ARL15: variants seen among roughly 807,000 people sequenced by gnomAD.
The protein encoded by ARL15 is ARF like GTPase 15.
In ARL15, 19 loss-of-function variants were observed where a neutral mutation model predicts 25.2. The observed-to-expected ratio is 0.75, with a 90% confidence interval of 0.53 to 1.10. ARL15 has a LOEUF of 1.10. Among genes scored for constraint, ARL15 ranks in the 50% least tolerant of loss-of-function variants. ARL15 has a pLI of 0.00. For synonymous variants in ARL15, 94 were observed against 86.8 expected (o/e 1.08, Z -0.46); for missense variants, 220 against 246.0 (o/e 0.89, Z 0.71).
intron 1 of ARL15, among the ~76,000 whole-genome samples, chr5:54,227,222 G>A (rs1174658278): frequency 6.6e-6 from 1 of 152,176 alleles, no homozygotes; most frequent in African/African-American, 2.4e-5. Flanking sequence ...AGGCCAAGTT[G>A]TCTGAGCTCA....
intron 4 of ARL15, among the ~76,000 whole-genome samples, chr5:53,924,139 G>C (rs985155873): frequency 6.6e-6 from 1 of 152,318 alleles, no homozygotes; most frequent in African/African-American, 2.4e-5. Context: ...TCAGATTTCC[G>C]AAGGCCCATG....
intron 1 of ARL15, among the ~76,000 whole-genome samples, chr5:54,296,269 G>A (rs1418209363): frequency 6.6e-6 from 1 of 152,190 alleles, no homozygotes; most frequent in Non-Finnish European, 1.5e-5. Flanking sequence ...AGTACCATAA[G>A]TCCTTGTTTT....
At chr5:54,206,922 C>A (rs1755887045) in intron 1 of ARL15, among the ~76,000 whole-genome samples, 1 of 152,156 alleles carries the variant, frequency 6.6e-6, no homozygotes, top group Non-Finnish European at 1.5e-5. Context: ...AAATACAATG[C>A]ATTTTCAAAA....
Position 54,089,821 on chromosome 5 carries a change from A to C in ARL15, c.462+23381T>G, listed in dbSNP as rs190578759. On this transcript the variant is annotated intron_variant, in intron 4 of 4. Transcript: ENST00000504924. ...TATTAATATTATATTCAAATGAATC[A>C]AAAGGATTAAAAGTCTAGGTTTTCT... Among the ~76,000 whole-genome samples, 68 of 152,342 alleles carry C rather than the reference A, an allele frequency of 4.5e-4. No homozygotes were observed. In the East Asian group the frequency reaches 0.01, roughly 22 times the overall value.
At chr5:54,300,949 G>A (rs1247274180) in intron 1 of ARL15, among the ~76,000 whole-genome samples, 3 of 152,198 alleles carry the variant, frequency 2.0e-5, no homozygotes, top group African/African-American at 7.2e-5. Context: ...CAGAACCCCT[G>A]AAGTCCCTTG....
At chr5:54,094,773 C>T (rs531570103) in intron 4 of ARL15, among the ~76,000 whole-genome samples, 1 of 152,214 alleles carries the variant, frequency 6.6e-6, no homozygotes, top group African/African-American at 2.4e-5. Context: ...ACTGTTTGTC[C>T]CATCATAAGC....
chr5:54,052,598 C>T (rs757202818), intron 4 of ARL15, among the ~76,000 whole-genome samples: 1 of 152,078 alleles, frequency 6.6e-6, no homozygotes, highest in Non-Finnish European at 1.5e-5. Context: ...TGAGAGATTA[C>T]AGATAAGCAA....
Position 53,932,407 on chromosome 5 carries a change from G to A in ARL15, c.463-45694C>T, listed in dbSNP as rs143433328. ...TGCCAACAGCTCCCCCTTCATAGGA[G>A]AGCCTTGCCAATGGCTTTTTACCTC... On this transcript the variant is annotated intron_variant, in intron 4 of 4. Transcript: ENST00000504924. 2.0e-3 allele frequency among the ~76,000 whole-genome samples: 308 copies of A among 152,310 alleles called. 1 individual carries two copies. Among genetic ancestry groups the A allele is most frequent in the African/African-American group, 7.0e-3 (292 of 41,578 alleles).
At chr5:53,976,104 C>G (rs1319097642) in intron 4 of ARL15, among the ~76,000 whole-genome samples, 8 of 151,926 alleles carry the variant, frequency 5.3e-5, no homozygotes, top group Admixed American at 1.3e-4. Context: ...TTTTAGGCAC[C>G]CTCCAGGTCC....
At chr5:54,011,311 T>A (rs536219550) in intron 4 of ARL15, among the ~76,000 whole-genome samples, 2 of 152,328 alleles carry the variant, frequency 1.3e-5, no homozygotes, top group African/African-American at 4.8e-5. Context: ...CATTATTACC[T>A]CAAAAAGTTG....
intron 4 of ARL15, among the ~76,000 whole-genome samples, chr5:54,092,044 G>T (rs942156322): frequency 2.8e-5 from 3 of 107,538 alleles, no homozygotes; most frequent in African/African-American, 1.0e-4. Flanking sequence ...TGCTCAAATT[G>T]AAAACACACA....
At chr5:54,089,702 C>G (rs535011101) in intron 4 of ARL15, among the ~76,000 whole-genome samples, 1 of 151,930 alleles carries the variant, frequency 6.6e-6, no homozygotes, top group African/African-American at 2.4e-5. Flanking sequence ...AGATACCAGT[C>G]AATGTAGGTA....
At chr5:54,193,714 A>G (rs890570545) in intron 1 of ARL15, among the ~76,000 whole-genome samples, 5 of 138,440 alleles carry the variant, frequency 3.6e-5, no homozygotes, top group African/African-American at 1.4e-4. Context: ...TTGTTTTACA[A>G]TAAAGCCTTC....
rs557584686 is a variant in ARL15 at position 54,060,353 on chromosome 5, G to A, written c.462+52849C>T. ...CTGAGGCAGGAGAATTGCTTGAAGCGGGACCCAGGAGGTGGAGGTTGCAGT... is the reference window on the plus strand; with the variant it reads ...CTGAGGCAGGAGAATTGCTTGAAGCAGGACCCAGGAGGTGGAGGTTGCAGT... On this transcript the variant is annotated intron_variant, in intron 4 of 4. Transcript: ENST00000504924. 1.2e-4 allele frequency among the ~76,000 whole-genome samples: 19 copies of A among 152,130 alleles called. No individual in the cohort carries two copies. In the South Asian group the frequency reaches 3.1e-3, roughly 25 times the overall value.
At chr5:53,902,634 C>T (rs1280736791) in intron 4 of ARL15, among the ~76,000 whole-genome samples, 1 of 152,148 alleles carries the variant, frequency 6.6e-6, no homozygotes, top group Non-Finnish European at 1.5e-5. Flanking sequence ...ACAACGACAA[C>T]ATTTAGATGC....
intron 4 of ARL15, among the ~76,000 whole-genome samples, chr5:53,956,150 G>C (rs1311604699): frequency 6.6e-6 from 1 of 151,982 alleles, no homozygotes; most frequent in Non-Finnish European, 1.5e-5. Flanking sequence ...TCTCTTGCTT[G>C]TGGCTCCTGG....
intron 1 of ARL15, among the ~76,000 whole-genome samples, chr5:54,251,550 A>G (rs1489923897): frequency 6.6e-6 from 1 of 152,206 alleles, no homozygotes; most frequent in African/African-American, 2.4e-5. Flanking sequence ...AGATTTCTAA[A>G]GTTTATTTAA....
intron 4 of ARL15, among the ~76,000 whole-genome samples, chr5:53,955,249 G>GA (rs1304104434): frequency 6.6e-6 from 1 of 151,910 alleles, no homozygotes; most frequent in Non-Finnish European, 1.5e-5. Flanking sequence ...GGTTACTTTA[G>GA]AAAAGGATAA....
chr5:54,041,570 C>G (rs1298375236), intron 4 of ARL15, among the ~76,000 whole-genome samples: 1 of 152,164 alleles, frequency 6.6e-6, no homozygotes, highest in East Asian at 1.9e-4. Flanking sequence ...ACATGAGCCA[C>G]AAGTATGACC....
Sources: gnomAD v4.1 joint callset for allele counts (sites outside exome capture counted in the v4.1 genomes callset) on GRCh38, gnomAD v4.1.1 for gene constraint, MANE v1.5 for transcripts, NCBI Gene and HGNC (gene_info 2026-07-23, HGNC 2026-07-21) for gene names.